PTPRT: variants seen among roughly 807,000 people sequenced by gnomAD.
PTPRT encodes the protein receptor-type tyrosine-protein phosphatase T.
PTPRT carries 56 observed loss-of-function variants against 176.8 expected under a neutral mutation model. That is an observed-to-expected ratio of 0.32 (90% CI 0.26 to 0.40). PTPRT has a LOEUF of 0.40. PTPRT is among the 10% of genes least tolerant of loss of function. PTPRT has a pLI of 1.00. For missense variants in PTPRT, 1,540 were observed against 1,908.2 expected (o/e 0.81, Z 3.60); for synonymous variants, 783 against 739.0 (o/e 1.06, Z -0.96).
At position 42,791,302 on chromosome 20, in the gene PTPRT, T is replaced by C. The variant is rs1200930497; in HGVS notation, c.379A>G (p.Asn127Asp). The change falls in exon 3 of 31, where the codon AAT (asparagine) becomes GAT (aspartate). Residue 127 changes from asparagine to aspartate, a missense_variant. Around this residue, in one of 11 missense-constraint regions of PTPRT, gnomAD observed 273 missense variants for 432.1 expected, o/e 0.63. Coordinates refer to ENST00000373187, the MANE Select transcript of PTPRT (RefSeq NM_007050.6). Reference protein sequence around the residue: ...PGALNVYVKVNGGPQGNPVWN... With the variant: ...PGALNVYVKVDGGPQGNPVWN... ...ACAGGGTTCCCTTGGGGGCCACCAT[T>C]CACCTTCACGTAGACGTTCAAGGCC... is the stretch of plus-strand genomic sequence containing the variant. The C allele has an allele frequency of 6.2e-7, 1 of 1,614,184 alleles. No homozygotes were observed. The highest frequency in any genetic ancestry group is 1.1e-5 in the South Asian group (1 of 91,072).
intron 18 of PTPRT, among the ~76,000 whole-genome samples, chr20:42,139,082 C>G (rs1988507688): frequency 6.6e-6 from 1 of 152,168 alleles, no homozygotes; most frequent in African/African-American, 2.4e-5. Context: ...GGGGCTGTTT[C>G]TTTTTTACAT....
chr20:42,468,865 T>C (rs1471789852), intron 8 of PTPRT, among the ~76,000 whole-genome samples: 1 of 152,216 alleles, frequency 6.6e-6, no homozygotes, highest in Non-Finnish European at 1.5e-5. Context: ...GAATTCCCTG[T>C]GAATATGAGT....
chr20:42,456,011 A>G (rs997440916), intron 8 of PTPRT, among the ~76,000 whole-genome samples: 8 of 152,066 alleles, frequency 5.3e-5, no homozygotes, highest in African/African-American at 1.7e-4. Context: ...GGGAGATAAT[A>G]TCATGTCTTT....
At chr20:42,489,967 T>C (rs962632970) in intron 7 of PTPRT, among the ~76,000 whole-genome samples, 3 of 152,162 alleles carry the variant, frequency 2.0e-5, no homozygotes, top group Non-Finnish European at 4.4e-5. Flanking sequence ...CCCTGCACAG[T>C]AAAAAAAGTT....
At chr20:42,157,361 T>C (rs1443954044) in intron 17 of PTPRT, among the ~76,000 whole-genome samples, 2 of 151,730 alleles carry the variant, frequency 1.3e-5, no homozygotes, top group African/African-American at 2.4e-5. Context: ...TTTTTTTTTT[T>C]TGGAGATGGA....
chr20:42,872,939 G>T (rs2078870091), intron 2 of PTPRT, among the ~76,000 whole-genome samples: 1 of 152,158 alleles, frequency 6.6e-6, no homozygotes. Context: ...CTAACCAAAG[G>T]CCTGGCAGTA....
chr20:42,592,396 A>T lies in PTPRT; in HGVS notation c.1153+85470T>A, dbSNP rs377496769. Among the ~76,000 whole-genome samples the T allele has an allele frequency of 1.7e-3, 261 of 152,268 alleles. 3 individuals carry two copies. Among genetic ancestry groups the T allele is most frequent in the African/African-American group, 6.0e-3 (250 of 41,552 alleles). Reference sequence around the variant, plus strand: ...GCCTTTAAGGTACATTGCATAGATGAACAGAACACATTACCAAAGATGCAC... The same window carrying T: ...GCCTTTAAGGTACATTGCATAGATGTACAGAACACATTACCAAAGATGCAC... On this transcript the variant is annotated intron_variant, in intron 7 of 30. Transcript: ENST00000373187.
rs1983004146 is a variant in PTPRT at position 42,078,562 on chromosome 20, G to A, written c.*2317C>T. On this transcript the variant is annotated 3_prime_UTR_variant, in exon 31 of 31. Coordinates refer to ENST00000373187, the MANE Select transcript of PTPRT (RefSeq NM_007050.6). Reference sequence around the variant, plus strand: ...AAGAGGCAGCCCCATTGGCCCAGAAGGAGTCTTGGCCAACACGAAGCTGAG... The same window carrying A: ...AAGAGGCAGCCCCATTGGCCCAGAAAGAGTCTTGGCCAACACGAAGCTGAG... 1 of 191,474 alleles carries A rather than the reference G, an allele frequency of 5.2e-6. No homozygotes were observed. Among genetic ancestry groups the A allele is most frequent in the Admixed American group, 6.2e-5 (1 of 16,226 alleles). 11.9% of individuals were successfully genotyped at this position (191,474 alleles called of 1,614,324 possible). A position where few individuals can be genotyped will look rare whatever the true frequency, so the allele number is the denominator to read the frequency against.
At chr20:42,473,849 A>G (rs1209644610) in intron 7 of PTPRT, among the ~76,000 whole-genome samples, 1 of 152,114 alleles carries the variant, frequency 6.6e-6, no homozygotes, top group East Asian at 1.9e-4. Flanking sequence ...CTTGTGTCAG[A>G]CTTTCTTATC....
intron 9 of PTPRT, among the ~76,000 whole-genome samples, chr20:42,410,571 T>G (rs954614524): frequency 6.6e-6 from 1 of 152,016 alleles, no homozygotes; most frequent in East Asian, 1.9e-4. Context: ...CTTCAACCAC[T>G]TGACCTAAGT....
chr20:42,652,061 CAAAAACAAACAAA>C (rs1416870169), intron 7 of PTPRT, among the ~76,000 whole-genome samples: 1 of 143,436 alleles, frequency 7.0e-6, no homozygotes, highest in Non-Finnish European at 1.5e-5. Context: ...AAAACAAAAA[CAAAAACAAACAAA>C]AAAAACAAAA....
chr20:43,066,507 G>C (rs1309247422), intron 1 of PTPRT, among the ~76,000 whole-genome samples: 1 of 152,150 alleles, frequency 6.6e-6, no homozygotes. Flanking sequence ...CTGAATCTGA[G>C]AAAGCCTAGA....
At chr20:42,832,169 C>T (rs895594175) in intron 2 of PTPRT, among the ~76,000 whole-genome samples, 11 of 152,200 alleles carry the variant, frequency 7.2e-5, no homozygotes, top group Admixed American at 7.2e-4. Context: ...TACATATACA[C>T]CATGGAATAC....
At chr20:42,397,359 C>T (rs955763871) in intron 9 of PTPRT, among the ~76,000 whole-genome samples, 1 of 152,174 alleles carries the variant, frequency 6.6e-6, no homozygotes, top group African/African-American at 2.4e-5. Flanking sequence ...CAAAGGTATA[C>T]TGCGTGATGC....
chr20:42,950,702 T>C (rs1177245188), intron 1 of PTPRT, among the ~76,000 whole-genome samples: 1 of 152,226 alleles, frequency 6.6e-6, no homozygotes, highest in East Asian at 1.9e-4. Flanking sequence ...TTTACATGCC[T>C]ATACCTTAGC....
intron 1 of PTPRT, among the ~76,000 whole-genome samples, chr20:42,948,442 T>C (rs1056059513): frequency 1.3e-5 from 2 of 152,082 alleles, no homozygotes; most frequent in Non-Finnish European, 2.9e-5. Context: ...CTGGCCTGAG[T>C]GAACAGCTCA....
intron 2 of PTPRT, among the ~76,000 whole-genome samples, chr20:42,797,694 A>G (rs1477366030): frequency 1.3e-5 from 2 of 152,308 alleles, no homozygotes; most frequent in Non-Finnish European, 2.9e-5. Flanking sequence ...TTAACCAGAT[A>G]AGCTTGAGAT....
rs74655629 is a variant in PTPRT, at chr20:42,943,478, A to G, written c.89-57546T>C. Among the ~76,000 whole-genome samples the G allele has an allele frequency of 4.5e-3, 690 of 152,266 alleles. 8 individuals carry two copies. Among genetic ancestry groups the G allele is most frequent in the African/African-American group, 0.016 (664 of 41,552 alleles). The stretch of plus-strand genomic sequence containing the variant: ...GTCCACTGAAGACTAAGTTACTCTT[A>G]CTTCCCCTCCCAGGTGCCAGGCATG... On this transcript the variant is annotated intron_variant, in intron 1 of 30. Transcript: ENST00000373187.
At chr20:42,859,535 TTGCACATATAA>T (rs1399522870) in intron 2 of PTPRT, among the ~76,000 whole-genome samples, 1 of 152,178 alleles carries the variant, frequency 6.6e-6, no homozygotes, top group Non-Finnish European at 1.5e-5. Context: ...CAATCATTTT[TTGCACATATAA>T]TGCACATATC....
Sources: allele counts gnomAD v4.1 joint callset (sites outside exome capture counted in the v4.1 genomes callset), GRCh38; gene constraint gnomAD v4.1.1; regional missense constraint gnomAD v4.1.1; transcripts MANE v1.5; gene names NCBI Gene and HGNC (gene_info 2026-07-23, HGNC 2026-07-21).